TRPC7: variants seen among roughly 807,000 people sequenced by gnomAD.
TRPC7 encodes the protein short transient receptor potential channel 7.
TRPC7 carries 42 observed loss-of-function variants against 90.1 expected under a neutral mutation model. The observed-to-expected ratio is 0.47, with a 90% CI of 0.36 to 0.60. The LOEUF is 0.60. Ranked by LOEUF, TRPC7 falls within the 20% of genes least tolerant of loss-of-function variation. The pLI, the probability that TRPC7 is intolerant of heterozygous loss-of-function variation, is 0.00. For missense variants in TRPC7, 955 were observed against 1,112.3 expected (o/e 0.86, Z 2.01); for synonymous variants, 451 against 436.3 (o/e 1.03, Z -0.42).
rs920639813 is a variant in TRPC7, at chr5:136,252,439, A to AT, written c.1346-558dup. ...ATGAGCATTAATTTAGGGTTATTAG[A>AT]TTTTTTCTTACTCTTTCATAACTTA... On this transcript the variant is annotated intron_variant, in intron 5 of 11. Coordinates refer to ENST00000513104, the MANE Select transcript of TRPC7 (RefSeq NM_020389.3). Among the ~76,000 whole-genome samples the AT allele has an allele frequency of 5.3e-5, 8 of 151,958 alleles. No individual in the cohort carries two copies. The East Asian group carries it at 1.2e-3, about 22-fold the overall frequency.
chr5:136,299,195 G>A (rs1561707895), intron 3 of TRPC7, among the ~76,000 whole-genome samples: 1 of 152,014 alleles, frequency 6.6e-6, no homozygotes, highest in Non-Finnish European at 1.5e-5. Flanking sequence ...CAGCTACTCG[G>A]GAGGCTGAGG....
intron 3 of TRPC7, among the ~76,000 whole-genome samples, chr5:136,278,050 G>A (rs1306100247): frequency 6.6e-6 from 1 of 152,210 alleles, no homozygotes; most frequent in Non-Finnish European, 1.5e-5. Flanking sequence ...ACTGTCCAAG[G>A]ACCTGGGTGA....
chr5:136,299,099 C>G (rs945005108), intron 3 of TRPC7, among the ~76,000 whole-genome samples: 1 of 151,764 alleles, frequency 6.6e-6, no homozygotes, highest in Non-Finnish European at 1.5e-5. Flanking sequence ...GTTGGGAGTT[C>G]GAGACCAGCC....
chr5:136,214,782 C>A (rs932176466), intron 11 of TRPC7, among the ~76,000 whole-genome samples: 7 of 152,156 alleles, frequency 4.6e-5, no homozygotes, highest in Admixed American at 1.3e-4. Context: ...CACCCAATGA[C>A]CAGGCTCTTT....
In TRPC7 at chr5:136,315,727, A is replaced by T; in HGVS notation, c.833T>A (p.Leu278Gln). The T allele has an allele frequency of 1.2e-6, 2 of 1,614,116 alleles. No individual in the cohort carries two copies. The highest frequency in any genetic ancestry group is 1.7e-6 in the Non-Finnish European group (2 of 1,179,958). The change falls in exon 3 of 12, where the codon CTG becomes CAG. Residue 278 changes from leucine (L) to glutamine (Q), a missense_variant. Transcript: ENST00000513104. Reference protein sequence around the residue: ...MQCKDFVVGVLDLCRDTEEVE... With the variant: ...MQCKDFVVGVQDLCRDTEEVE... ...CTCTTCTGTGTCTCGGCACAGGTCC[A>T]GCACGCCCACTACAAAATCCTTGCA... is the stretch of plus-strand genomic sequence containing the variant.
chr5:136,327,159 T>C lies in TRPC7; in HGVS notation c.781-11380A>G, dbSNP rs368762162. On this transcript the variant is annotated intron_variant, in intron 2 of 11. Transcript: ENST00000513104. Reference sequence around the variant, plus strand: ...GCGTGTTGGAATGATGACCTGTGTATATATTGAGGTGCCAAGAATTTAAAC... The same window carrying C: ...GCGTGTTGGAATGATGACCTGTGTACATATTGAGGTGCCAAGAATTTAAAC... Among the ~76,000 whole-genome samples, 10 of 152,286 alleles carry C rather than the reference T, an allele frequency of 6.6e-5. No homozygotes were observed. In the East Asian group the frequency reaches 1.2e-3, roughly 18 times the overall value.
At chr5:136,342,636 C>A (rs1027676810) in intron 2 of TRPC7, among the ~76,000 whole-genome samples, 1 of 152,196 alleles carries the variant, frequency 6.6e-6, no homozygotes, top group Non-Finnish European at 1.5e-5. Flanking sequence ...ATGGTGGAAA[C>A]ACACTGGATT....
At chr5:136,239,602 T>C (rs1756093151) in intron 7 of TRPC7, among the ~76,000 whole-genome samples, 3 of 152,192 alleles carry the variant, frequency 2.0e-5, no homozygotes, top group Non-Finnish European at 2.9e-5. Context: ...TTATGACGTA[T>C]TTCAGCCTGG....
intron 3 of TRPC7, 123 bp from the exon 4 acceptor site, chr5:136,274,960 G>A (rs926543545): frequency 9.1e-7 from 1 of 1,100,162 alleles, no homozygotes; most frequent in Non-Finnish European, 1.3e-6. Flanking sequence ...GGGTGGTTGA[G>A]GAACCTGCAG....
intron 10 of TRPC7, among the ~76,000 whole-genome samples, chr5:136,219,183 G>A (rs543689889): frequency 5.9e-5 from 9 of 152,188 alleles, no homozygotes. Flanking sequence ...GAAGAAGGGG[G>A]TCTCTGCTCT....
At chr5:136,229,992 T>G (rs774035590) in intron 8 of TRPC7, among the ~76,000 whole-genome samples, 3 of 152,212 alleles carry the variant, frequency 2.0e-5, no homozygotes, top group Admixed American at 6.5e-5. Context: ...ACTTGCATTT[T>G]TTCACTTAAT....
intron 7 of TRPC7, among the ~76,000 whole-genome samples, chr5:136,231,949 C>A (rs1038307198): frequency 6.6e-6 from 1 of 152,086 alleles, no homozygotes; most frequent in Non-Finnish European, 1.5e-5. Context: ...CATGCTTTAC[C>A]CTGGAGTGCC....
At chr5:136,344,003 C>T (rs914465794) in intron 2 of TRPC7, among the ~76,000 whole-genome samples, 1 of 152,126 alleles carries the variant, frequency 6.6e-6, no homozygotes, top group Non-Finnish European at 1.5e-5. Context: ...GCACTGTTTA[C>T]AGTAGCAAAG....
rs1760690926 is a variant in TRPC7 at position 136,365,375 on chromosome 5, T to A, written c.-121A>T. 3.9e-6 allele frequency: 4 copies of A among 1,031,770 alleles called. No individual in the cohort carries two copies. Among genetic ancestry groups the A allele is most frequent in the Non-Finnish European group, 5.8e-6 (4 of 689,780 alleles). The allele number at this position is 1,031,770 out of a possible 1,614,324, so 63.9% of individuals were successfully genotyped here. On this transcript the variant is annotated 5_prime_UTR_variant, in exon 1 of 12. Coordinates refer to ENST00000513104, the MANE Select transcript of TRPC7 (RefSeq NM_020389.3). Reference sequence around the variant, plus strand: ...TGTACCGCTCTCCGTGGTGCTGAAGTATAGAGCTGGTCAAGTGAGTTAAGT... The same window carrying A: ...TGTACCGCTCTCCGTGGTGCTGAAGAATAGAGCTGGTCAAGTGAGTTAAGT...
At chr5:136,304,673 G>A (rs2149833589) in intron 3 of TRPC7, among the ~76,000 whole-genome samples, 1 of 152,266 alleles carries the variant, frequency 6.6e-6, no homozygotes, top group African/African-American at 2.4e-5. Context: ...CTATACTGCT[G>A]CAAGGCTTCA....
intron 3 of TRPC7, among the ~76,000 whole-genome samples, chr5:136,312,971 T>TC (rs1252263771): frequency 8.0e-6 from 1 of 125,368 alleles, no homozygotes; most frequent in African/African-American, 3.1e-5. Context: ...GAGTAGTGAT[T>TC]CTTTTTTTTT....
intron 3 of TRPC7, among the ~76,000 whole-genome samples, chr5:136,300,595 C>T (rs556660135): frequency 1.3e-5 from 2 of 152,360 alleles, no homozygotes; most frequent in South Asian, 2.1e-4. Flanking sequence ...TACCGGGCAA[C>T]TACCAGGCCA....
intron 2 of TRPC7, among the ~76,000 whole-genome samples, chr5:136,349,939 T>C (rs1212658996): frequency 1.3e-5 from 2 of 152,206 alleles, no homozygotes; most frequent in African/African-American, 4.8e-5. Flanking sequence ...GCCTTTCCTA[T>C]TGAGATATGT....
At chr5:136,284,500 C>T (rs2149820473) in intron 3 of TRPC7, among the ~76,000 whole-genome samples, 1 of 152,338 alleles carries the variant, frequency 6.6e-6, no homozygotes, top group South Asian at 2.1e-4. Context: ...TCTACCTACA[C>T]TCAAATCTAT....
Sources: allele counts gnomAD v4.1 joint callset (sites outside exome capture counted in the v4.1 genomes callset), GRCh38; gene constraint gnomAD v4.1.1; transcripts MANE v1.5; gene names NCBI Gene and HGNC (gene_info 2026-07-23, HGNC 2026-07-21).